Variants in RBFOX1 observed in about 807,000 individuals in gnomAD.
RBFOX1 encodes RNA binding protein fox-1 homolog 1.
Under a neutral mutation model 57.7 loss-of-function variants are expected in RBFOX1, and 8 were observed. That is an observed-to-expected ratio of 0.14 (90% confidence interval 0.08 to 0.25). RBFOX1 has a LOEUF of 0.25. Among genes scored for constraint, RBFOX1 ranks in the 10% least tolerant of loss-of-function variants. RBFOX1 has a pLI of 1.00. For missense variants in RBFOX1, 611 were observed against 548.5 expected (o/e 1.11, Z -1.14); for synonymous variants, 326 against 222.4 (o/e 1.47, Z -4.15).
intron 1 of RBFOX1, among the ~76,000 whole-genome samples, chr16:6,027,629 G>C (rs1020491143): frequency 3.9e-5 from 6 of 152,210 alleles, no homozygotes; most frequent in African/African-American, 1.4e-4. Flanking sequence ...CACCTAGTGT[G>C]TGTTTAGTGC....
intron 4 of RBFOX1, among the ~76,000 whole-genome samples, chr16:7,088,472 G>T (rs950231576): frequency 5.9e-5 from 9 of 151,878 alleles, no homozygotes; most frequent in African/African-American, 2.2e-4. Context: ...TTACAAGATT[G>T]GTCTTGAAAA....
chr16:7,572,124 C>G (rs757288014), intron 5 of RBFOX1, among the ~76,000 whole-genome samples: 1 of 152,146 alleles, frequency 6.6e-6, no homozygotes, highest in Non-Finnish European at 1.5e-5. Flanking sequence ...GAGACTCCAT[C>G]TCAAAACAAA....
chr16:7,176,881 G>C (rs1446007355), intron 4 of RBFOX1, among the ~76,000 whole-genome samples: 1 of 152,072 alleles, frequency 6.6e-6, no homozygotes, highest in East Asian at 1.9e-4. Context: ...AGGAATGGGG[G>C]GAGAGGAAAA....
At chr16:7,300,411 T>C (rs960698201) in intron 4 of RBFOX1, among the ~76,000 whole-genome samples, 1 of 152,242 alleles carries the variant, frequency 6.6e-6, no homozygotes, top group Non-Finnish European at 1.5e-5. Flanking sequence ...TTTCTAAAGA[T>C]ACTTTCATGC....
chr16:6,154,695 T>A (rs1245944898), intron 1 of RBFOX1, among the ~76,000 whole-genome samples: 1 of 152,126 alleles, frequency 6.6e-6, no homozygotes, highest in Non-Finnish European at 1.5e-5. Context: ...AGAAATGGGA[T>A]GCGGGTTTGA....
intron 3 of RBFOX1, among the ~76,000 whole-genome samples, chr16:6,728,481 A>G (rs1381623331): frequency 6.6e-6 from 1 of 152,184 alleles, no homozygotes; most frequent in East Asian, 1.9e-4. Context: ...CTTTTATTAC[A>G]TAATATAAAG....
chr16:6,436,453 AGTT>A (rs1298163862), intron 2 of RBFOX1, among the ~76,000 whole-genome samples: 3 of 149,640 alleles, frequency 2.0e-5, no homozygotes, highest in East Asian at 4.0e-4. Flanking sequence ...ACCAAATTGC[AGTT>A]GTTGTAAAAC....
intron 3 of RBFOX1, among the ~76,000 whole-genome samples, chr16:5,646,216 A>G (rs1357904030): frequency 7.6e-5 from 11 of 145,412 alleles, no homozygotes; most frequent in Non-Finnish European, 1.4e-4. Flanking sequence ...TAGTGGAGAC[A>G]GGGTTTCACC....
At chr16:6,385,530 T>G (rs1037665006) in intron 2 of RBFOX1, among the ~76,000 whole-genome samples, 1 of 152,180 alleles carries the variant, frequency 6.6e-6, no homozygotes, top group African/African-American at 2.4e-5. Flanking sequence ...CGGATAATTT[T>G]TGTATTTTTA....
chr16:7,184,851 G>T (rs2083406778), intron 4 of RBFOX1, among the ~76,000 whole-genome samples: 2 of 152,166 alleles, frequency 1.3e-5, no homozygotes, highest in Admixed American at 1.3e-4. Flanking sequence ...GTGTTTGTGT[G>T]TTGAAGTGTT....
chr16:7,677,309 A>G (rs1438543187), intron 14 of RBFOX1, among the ~76,000 whole-genome samples: 1 of 152,088 alleles, frequency 6.6e-6, no homozygotes, highest in East Asian at 1.9e-4. Flanking sequence ...CATTCCCTCC[A>G]TTGCATTATT....
chr16:7,705,289 G>A (rs746444395), intron 14 of RBFOX1, among the ~76,000 whole-genome samples: 15 of 152,048 alleles, frequency 9.9e-5, no homozygotes, highest in African/African-American at 1.7e-4. Context: ...GGAGGATCAC[G>A]AGGTCAGGAG....
intron 4 of RBFOX1, among the ~76,000 whole-genome samples, chr16:7,404,553 C>T (rs17672034): frequency 0.25 from 38,017 of 152,038 alleles, 5,934 homozygotes; most frequent in East Asian, 0.46. Context: ...CTTCACAGTT[C>T]AAAAAGTAAA....
chr16:6,046,928 C>T (rs533091595), intron 1 of RBFOX1, among the ~76,000 whole-genome samples: 1 of 152,130 alleles, frequency 6.6e-6, no homozygotes, highest in South Asian at 2.1e-4. Context: ...GGCCAGATGT[C>T]TAAGTATATG....
chr16:6,775,825 T>A (rs2079230449), intron 3 of RBFOX1: 2 of 152,166 alleles, frequency 1.3e-5, no homozygotes, highest in South Asian at 4.1e-4. Flanking sequence ...GAAATCCATG[T>A]GTCTTATGAA....
chr16:7,696,196 A>G (rs1176548654), intron 14 of RBFOX1, among the ~76,000 whole-genome samples: 2 of 152,174 alleles, frequency 1.3e-5, no homozygotes, highest in African/African-American at 4.8e-5. Context: ...AGTTTCAACA[A>G]TGCTATTAGT....
chr16:6,282,699 C>T (rs1475122397), intron 1 of RBFOX1, among the ~76,000 whole-genome samples: 1 of 152,100 alleles, frequency 6.6e-6, no homozygotes, highest in Non-Finnish European at 1.5e-5. Context: ...ATCCATGTCC[C>T]TCCAAAGGAC....
At chr16:6,834,972 A>T (rs897661067) in intron 3 of RBFOX1, among the ~76,000 whole-genome samples, 1 of 147,538 alleles carries the variant, frequency 6.8e-6, no homozygotes, top group Non-Finnish European at 1.5e-5. Context: ...GGTTCACTGT[A>T]AGCTTCATCT....
At chr16:7,006,536 A>C (rs1184508445) in intron 3 of RBFOX1, among the ~76,000 whole-genome samples, 1 of 152,020 alleles carries the variant, frequency 6.6e-6, no homozygotes, top group African/African-American at 2.4e-5. Flanking sequence ...TGTAGCCTCG[A>C]ACTCCTGGGC....
Sources: gnomAD v4.1 joint callset for allele counts (sites outside exome capture counted in the v4.1 genomes callset) on GRCh38, gnomAD v4.1.1 for gene constraint, MANE v1.5 for transcripts, NCBI Gene and HGNC (gene_info 2026-07-23, HGNC 2026-07-21) for gene names.